Variants in ISLR2 observed in about 807,000 individuals in gnomAD.
ISLR2 encodes immunoglobulin superfamily containing leucine rich repeat 2.
ISLR2 carries 16 observed loss-of-function variants against 25.5 expected under a neutral mutation model. That is an observed-to-expected ratio of 0.63 (90% CI 0.43 to 0.95). ISLR2 has a LOEUF of 0.95. ISLR2 is among the 40% of genes least tolerant of loss of function. ISLR2 has a pLI of 0.00. For missense variants in ISLR2, 883 were observed against 1,030.7 expected (o/e 0.86, Z 1.96); for synonymous variants, 508 against 486.6 (o/e 1.04, Z -0.58).
chr15:74,118,644 C>CTAT (rs112112565), intron 2 of ISLR2, among the ~76,000 whole-genome samples: 74,200 of 145,628 alleles, frequency 0.51, 22,088 homozygotes, highest in Non-Finnish European at 0.69. Flanking sequence ...AAATCTGAAG[C>CTAT]TATTATTATT....
At chr15:74,117,351 C>T (rs1347485316) in intron 2 of ISLR2, among the ~76,000 whole-genome samples, 1 of 152,106 alleles carries the variant, frequency 6.6e-6, no homozygotes, top group Non-Finnish European at 1.5e-5. Context: ...TTGTTGCAAC[C>T]TTCTGTGGCC....
Position 74,133,734 on chromosome 15 carries a change from C to A in ISLR2, c.980C>A (p.Pro327Gln). 6.2e-7 allele frequency: 1 copy of A among 1,611,606 alleles called. No homozygotes were observed. Among genetic ancestry groups the A allele is most frequent in the South Asian group, 1.1e-5 (1 of 90,596 alleles). The stretch of plus-strand genomic sequence containing the variant: ...CCAGCACCCGCTTGGCCGGCGCCCC[C>A]AGCCACACCGCGCTTCCTGGCCCTC... ...PTPAPAWPAP[P>Q]ATPRFLALAN... is the part of the protein sequence containing the mutation. Residue 327 changes from proline to glutamine, a missense_variant, in exon 3 of 3, where the codon CCA becomes CAA. This residue lies in a region of ISLR2 where 612 missense variants were observed against 642.8 expected (regional missense o/e 0.95). Coordinates refer to ENST00000453268, the MANE Select transcript of ISLR2 (RefSeq NM_020851.3).
chr15:74,104,467 A>G (rs915525729), intron 2 of ISLR2, among the ~76,000 whole-genome samples: 1 of 152,262 alleles, frequency 6.6e-6, no homozygotes, highest in Non-Finnish European at 1.5e-5. Flanking sequence ...TAGGAGGTCC[A>G]AAAGGAGCAC....
chr15:74,111,451 G>C (rs765527527), intron 2 of ISLR2, among the ~76,000 whole-genome samples: 26 of 151,904 alleles, frequency 1.7e-4, no homozygotes, highest in Non-Finnish European at 3.1e-4. Context: ...CATCATGCCT[G>C]GCTAATTTTT....
upstream of ISLR2, chr15:74,129,214 G>A: frequency 2.7e-6 from 1 of 368,128 alleles, no homozygotes; most frequent in East Asian, 7.4e-5. This position sits in a 1 kb window ranked among gnomAD's most constrained non-coding sequence, Gnocchi z 4.5. Context: ...GCAGGAGTAG[G>A]GGAGAGGGAG....
At chr15:74,128,338 C>T (rs1230516982), upstream of ISLR2, 3 of 419,970 alleles carry the variant, frequency 7.1e-6, no homozygotes, top group African/African-American at 4.2e-5. Flanking sequence ...AGGGCAGCCT[C>T]CGGGAACAAA....
intron 2 of ISLR2, among the ~76,000 whole-genome samples, chr15:74,115,599 AC>A (rs1171208629): frequency 6.6e-6 from 1 of 151,926 alleles, no homozygotes; most frequent in Non-Finnish European, 1.5e-5. Flanking sequence ...GGAGGCTGAG[AC>A]ACGAGAATCA....
chr15:74,122,080 T>TC (rs1158824973), intron 2 of ISLR2, among the ~76,000 whole-genome samples: 2 of 152,162 alleles, frequency 1.3e-5, no homozygotes, highest in Non-Finnish European at 2.9e-5. Flanking sequence ...CCCAAGAGCC[T>TC]CAAGGGCCTC....
chr15:74,110,908 G>A (rs534491285), intron 2 of ISLR2, among the ~76,000 whole-genome samples: 23 of 151,982 alleles, frequency 1.5e-4, no homozygotes, highest in South Asian at 4.2e-4. Flanking sequence ...GCAGTAAGCC[G>A]AGATTGAGAT....
chr15:74,110,372 A>G (rs1469328799), intron 2 of ISLR2, among the ~76,000 whole-genome samples: 5 of 152,236 alleles, frequency 3.3e-5, no homozygotes, highest in Non-Finnish European at 7.3e-5. Context: ...CATTTGTACC[A>G]GAAAATAAAA....
chr15:74,123,386 A>G (rs942685168), upstream of ISLR2, among the ~76,000 whole-genome samples: 2 of 152,224 alleles, frequency 1.3e-5, no homozygotes, highest in Middle Eastern at 3.4e-3. Flanking sequence ...AAAAGCCCCA[A>G]CTCAACCTGC....
chr15:74,103,839 A>G (rs894707368), intron 1 of ISLR2: 1 of 145,026 alleles, frequency 6.9e-6, no homozygotes, highest in African/African-American at 2.6e-5. Context: ...TGATGATTTT[A>G]TTACAGGCTT....
rs1567161734 is a variant in ISLR2 at position 74,132,860 on chromosome 15, G to A, written c.106G>A (p.Asp36Asn). The stretch of plus-strand genomic sequence containing the variant: ...GGACAAGTACGCTCACCAGTTCGCG[G>A]ACTGCGCTTACAAAGAGTTGCGTGA... The part of the protein sequence containing the change: ...CVDKYAHQFA[D>N]CAYKELREVP... Residue 36 changes from aspartate to asparagine, a missense_variant, in exon 3 of 3, where the codon GAC becomes AAC. Physicochemically the swap from Asp to Asn is conservative, Grantham distance 23. Coordinates refer to ENST00000453268, the MANE Select transcript of ISLR2 (RefSeq NM_020851.3). The surrounding 1 kb of genome is among the most constrained non-coding windows in gnomAD (Gnocchi z 4.3). The A allele has an allele frequency of 1.9e-6, 3 of 1,614,024 alleles. No individual in the cohort carries two copies. The highest frequency in any genetic ancestry group is 1.1e-5 in the South Asian group (1 of 91,094).
rs1477413689 is a variant in ISLR2 at position 74,134,673 on chromosome 15, G to T, written c.1919G>T (p.Arg640Leu). ...RPQAPDPMEK[R>L]IAADFDPRAS... ...CAGGCCCCTGACCCTATGGAGAAGCGCATCGCCGCAGACTTCGACCCGCGT... is the reference window on the plus strand; with the variant it reads ...CAGGCCCCTGACCCTATGGAGAAGCTCATCGCCGCAGACTTCGACCCGCGT... Residue 640 changes from arginine to leucine, a missense_variant, in exon 3 of 3, where the codon CGC (arginine) becomes CTC (leucine). Arg to Leu is a moderately radical substitution (Grantham distance 102, BLOSUM62 -2). Coordinates refer to ENST00000453268, the MANE Select transcript of ISLR2 (RefSeq NM_020851.3). 5 of 1,614,012 alleles carry T rather than the reference G, an allele frequency of 3.1e-6. No homozygotes were observed. Among genetic ancestry groups the T allele is most frequent in the Non-Finnish European group, 4.2e-6 (5 of 1,180,022 alleles).
At chr15:74,128,598 C>T (rs1241363366), upstream of ISLR2, 1 of 456,572 alleles carries the variant, frequency 2.2e-6, no homozygotes, top group Non-Finnish European at 4.4e-6. Flanking sequence ...AGCCCATTCT[C>T]CCTTCCATTA....
Position 74,132,931 on chromosome 15 carries a change from C to T in ISLR2, c.177C>T (p.Ser59=), listed in dbSNP as rs147878498. 1.9e-6 allele frequency: 3 copies of T among 1,614,056 alleles called. No homozygotes were observed. Among genetic ancestry groups the T allele is most frequent in the Admixed American group, 1.7e-5 (1 of 60,028 alleles). The change falls in exon 3 of 3, where the codon TCC becomes TCT. Residue 59 remains serine, a synonymous_variant. Transcript: ENST00000453268. The surrounding 1 kb of genome is among the most constrained non-coding windows in gnomAD (Gnocchi z 4.3). ...LPANVTTLSL[S]ANKITVLRRG... is the part of the protein sequence containing the mutation. ...CCAACGTGACGACGCTTAGTCTGTC[C>T]GCGAACAAGATCACTGTGCTGCGGC... is the stretch of plus-strand genomic sequence containing the variant.
chr15:74,128,922 C>A (rs1012847214), upstream of ISLR2: 1 of 431,816 alleles, frequency 2.3e-6, no homozygotes, highest in Admixed American at 2.6e-5. Context: ...CCGTCTGCCT[C>A]CTTCTCCCGA....
Position 74,134,302 on chromosome 15 carries a change from T to C in ISLR2, c.1548T>C (p.Ala516=). The change falls in exon 3 of 3, where the codon GCT becomes GCC. Residue 516 remains alanine (A), a synonymous_variant. Coordinates refer to ENST00000453268, the MANE Select transcript of ISLR2 (RefSeq NM_020851.3). Reference sequence around the variant, plus strand: ...GCTGGGGCCCTGGGCCCGGCGGGGCTGGCGGAGCCCCGCGACCCGGGCGGC... The same window carrying C: ...GCTGGGGCCCTGGGCCCGGCGGGGCCGGCGGAGCCCCGCGACCCGGGCGGC... ...AARWGPGPGG[A]GGAPRPGRRP... 6.5e-7 allele frequency: 1 copy of C among 1,532,526 alleles called. No homozygotes were observed. Among genetic ancestry groups the C allele is most frequent in the Non-Finnish European group, 8.8e-7 (1 of 1,141,376 alleles). 94.9% of individuals were successfully genotyped at this position (1,532,526 alleles called of 1,614,324 possible).
chr15:74,132,721 C>A lies in ISLR2; in HGVS notation c.-8-26C>A, dbSNP rs778597726. 14 of 1,596,902 alleles carry A rather than the reference C, an allele frequency of 8.8e-6. No homozygotes were observed. In the South Asian group the frequency reaches 1.6e-4, roughly 18 times the overall value. On this transcript the variant is annotated intron_variant, in intron 2 of 2. Transcript: ENST00000453268. The surrounding 1 kb of genome is among the most constrained non-coding windows in gnomAD (Gnocchi z 4.3). The stretch of plus-strand genomic sequence containing the variant: ...TGGGGTTCAGTGAGTCACCTTCTTT[C>A]TTCTTCACCTGGCTTCCATCTGCAG...
Sources: allele counts gnomAD v4.1 joint callset (sites outside exome capture counted in the v4.1 genomes callset), GRCh38; gene constraint gnomAD v4.1.1; regional missense constraint gnomAD v4.1.1; non-coding constraint Gnocchi (gnomAD v3.1); transcripts MANE v1.5; gene names NCBI Gene and HGNC (gene_info 2026-07-23, HGNC 2026-07-21).